COL26A1: variants seen among roughly 807,000 people sequenced by gnomAD.
COL26A1 encodes the protein collagen type XXVI alpha 1 chain, also known as collagen alpha-1(XXVI) chain.
In COL26A1, 41 loss-of-function variants were observed where a neutral mutation model predicts 59.3. The ratio of observed to expected loss-of-function variants is 0.69; its 90% CI spans 0.54 to 0.90. COL26A1 has a LOEUF of 0.90. Ranked by LOEUF, COL26A1 falls within the 40% of genes least tolerant of loss-of-function variation. COL26A1 has a pLI of 0.00. For missense variants in COL26A1, 612 were observed against 602.3 expected, an observed-to-expected ratio of 1.02 and a Z score of -0.17; for synonymous variants, 266 against 256.0, an observed-to-expected ratio of 1.04 and a Z score of -0.37.
chr7:101,441,140 G>T (rs1793049717), intron 2 of COL26A1, among the ~76,000 whole-genome samples: 1 of 152,042 alleles, frequency 6.6e-6, no homozygotes, highest in South Asian at 2.1e-4. Flanking sequence ...ACTGGGCTCT[G>T]GAACCAATTC....
intron 3 of COL26A1, among the ~76,000 whole-genome samples, chr7:101,455,041 CTT>C (rs56039517): frequency 1.6e-3 from 219 of 134,000 alleles, no homozygotes; most frequent in African/African-American, 4.1e-3. Flanking sequence ...TTTTCTTTAT[CTT>C]TTTTTTTTTT....
intron 3 of COL26A1, among the ~76,000 whole-genome samples, chr7:101,475,874 TTC>T (rs1208027979): frequency 7.3e-6 from 1 of 136,818 alleles, no homozygotes; most frequent in African/African-American, 2.6e-5. Context: ...CTCTCTTTCT[TTC>T]TCTTTCTCTC....
intron 3 of COL26A1, among the ~76,000 whole-genome samples, chr7:101,520,662 A>ACACACACCCC (rs915256077): frequency 1.4e-5 from 2 of 143,240 alleles, no homozygotes; most frequent in African/African-American, 5.2e-5. Flanking sequence ...ACACACACAC[A>ACACACACCCC]CCCCCGTGTT....
chr7:101,422,315 A>AG (rs1326609343), intron 2 of COL26A1, among the ~76,000 whole-genome samples: 1 of 151,772 alleles, frequency 6.6e-6, no homozygotes, highest in Non-Finnish European at 1.5e-5. Context: ...CCATCTCAAA[A>AG]AAAAAAAAAT....
At chr7:101,503,492 C>G (rs1036326726) in intron 3 of COL26A1, among the ~76,000 whole-genome samples, 2 of 152,164 alleles carry the variant, frequency 1.3e-5, no homozygotes, top group Non-Finnish European at 2.9e-5. Context: ...AAGGGATCCT[C>G]CAGCCTCAGC....
intron 1 of COL26A1, among the ~76,000 whole-genome samples, chr7:101,380,008 T>C (rs773315686): frequency 3.3e-5 from 5 of 152,230 alleles, no homozygotes; most frequent in Non-Finnish European, 5.9e-5. Flanking sequence ...TTTTTTCTTT[T>C]TGAGACGGAG....
chr7:101,462,572 C>T (rs555812267), intron 3 of COL26A1, among the ~76,000 whole-genome samples: 4 of 152,326 alleles, frequency 2.6e-5, no homozygotes, highest in African/African-American at 9.6e-5. Flanking sequence ...CTGCCTCAGC[C>T]TCCCAAAGTG....
chr7:101,461,549 C>T (rs1417065500), intron 3 of COL26A1, among the ~76,000 whole-genome samples: 4 of 151,648 alleles, frequency 2.6e-5, no homozygotes, highest in East Asian at 1.9e-4. Context: ...CCACCTGCCT[C>T]GACCTCCCAG....
At chr7:101,531,146 AT>A (rs1315954610) in intron 3 of COL26A1, among the ~76,000 whole-genome samples, 77 of 151,378 alleles carry the variant, frequency 5.1e-4, no homozygotes, top group Non-Finnish European at 8.0e-4. Context: ...AATTTTTTGT[AT>A]TTTTTAGTAG....
At chr7:101,545,657 T>C (rs1795721119) in intron 7 of COL26A1, among the ~76,000 whole-genome samples, 167 bp downstream of exon 7, 1 of 152,130 alleles carries the variant, frequency 6.6e-6, no homozygotes, top group South Asian at 2.1e-4. Context: ...CTCCATGCAG[T>C]GTCCAGGGCC....
At chr7:101,494,141 T>C in intron 3 of COL26A1, among the ~76,000 whole-genome samples, 1 of 152,040 alleles carries the variant, frequency 6.6e-6, no homozygotes, top group Non-Finnish European at 1.5e-5. Flanking sequence ...TTGTTTTGTT[T>C]TGTTTTGTTT....
intron 1 of COL26A1, among the ~76,000 whole-genome samples, chr7:101,369,836 A>C (rs1018240900): frequency 6.6e-6 from 1 of 151,860 alleles, no homozygotes; most frequent in Non-Finnish European, 1.5e-5. Flanking sequence ...CTTGGGGTAC[A>C]TTTTGAAGAG....
chr7:101,543,639 T>C (rs1036416969), intron 5 of COL26A1, among the ~76,000 whole-genome samples: 4 of 152,050 alleles, frequency 2.6e-5, no homozygotes, highest in Non-Finnish European at 5.9e-5. Flanking sequence ...GCCCGGTTCT[T>C]GACCCTAAGC....
intron 11 of COL26A1, 92 bp downstream of exon 11, chr7:101,553,468 G>A (rs535567772): frequency 7.0e-5 from 95 of 1,348,926 alleles, no homozygotes; most frequent in Admixed American, 2.1e-4. Flanking sequence ...TGCGCTGACC[G>A]TCAGCCAGCC....
intron 3 of COL26A1, among the ~76,000 whole-genome samples, chr7:101,499,062 A>G (rs1794646837): frequency 6.6e-6 from 1 of 152,116 alleles, no homozygotes; most frequent in Admixed American, 6.5e-5. Context: ...TGCTTTCCAG[A>G]TTGGGGGCGC....
intron 2 of COL26A1, among the ~76,000 whole-genome samples, chr7:101,431,028 C>T (rs1168748267): frequency 6.6e-6 from 1 of 151,802 alleles, no homozygotes; most frequent in Non-Finnish European, 1.5e-5. Flanking sequence ...TCTTGAACTC[C>T]TGGCCTCAAG....
chr7:101,531,177 T>G (rs892976848), intron 3 of COL26A1, among the ~76,000 whole-genome samples: 5 of 152,130 alleles, frequency 3.3e-5, no homozygotes, highest in Non-Finnish European at 5.9e-5. Flanking sequence ...TTCACCATGT[T>G]AGCCAGGATT....
intron 2 of COL26A1, among the ~76,000 whole-genome samples, chr7:101,442,834 C>T (rs766169354): frequency 1.3e-5 from 2 of 151,944 alleles, no homozygotes; most frequent in Admixed American, 6.6e-5. Flanking sequence ...GTGCTGAGCA[C>T]GTGTTTGTGT....
chr7:101,410,785 C>T lies in COL26A1; in HGVS notation c.159-9192C>T, dbSNP rs544970914. ...CGATCTCAGTTCATTACAACCTCTG[C>T]CTCCTAGGTTCAAGTGATTCTTCTA... On this transcript the variant is annotated intron_variant, in intron 1 of 12. Transcript: ENST00000313669. 1.4e-3 allele frequency among the ~76,000 whole-genome samples: 212 copies of T among 152,176 alleles called. 1 individual carries two copies. The highest frequency in any genetic ancestry group is 7.5e-4 in the Non-Finnish European group (51 of 68,012).
Sources: allele counts gnomAD v4.1 joint callset (sites outside exome capture counted in the v4.1 genomes callset), GRCh38; gene constraint gnomAD v4.1.1; transcripts MANE v1.5; gene names NCBI Gene and HGNC (gene_info 2026-07-23, HGNC 2026-07-21).